DAB1: variants seen among roughly 807,000 people sequenced by gnomAD.
The protein encoded by DAB1 is disabled homolog 1.
A neutral mutation model predicts 64.6 loss-of-function variants in DAB1; 15 were observed. The ratio of observed to expected loss-of-function variants is 0.23; its 90% CI spans 0.16 to 0.36. DAB1 has a LOEUF of 0.36. Ranked by LOEUF, DAB1 falls within the 10% of genes least tolerant of loss-of-function variation. The pLI is 1.00. For missense variants in DAB1, 596 were observed against 706.7 expected (o/e 0.84, Z 1.78); for synonymous variants, 235 against 251.9 (o/e 0.93, Z 0.64).
intron 7 of DAB1, among the ~76,000 whole-genome samples, chr1:57,602,997 A>G (rs1302393135): frequency 6.6e-6 from 1 of 152,182 alleles, no homozygotes; most frequent in Admixed American, 6.5e-5. Context: ...AGAGAGGGTG[A>G]ACATCTTCTG....
chr1:57,220,286 C>T (rs747443425), intron 2 of DAB1, among the ~76,000 whole-genome samples: 2 of 152,138 alleles, frequency 1.3e-5, no homozygotes, highest in Admixed American at 1.3e-4. Flanking sequence ...GTGGAACATA[C>T]CCATAGAGAG....
intron 7 of DAB1, among the ~76,000 whole-genome samples, chr1:57,440,059 C>T (rs1685882304): frequency 2.0e-5 from 3 of 152,144 alleles, no homozygotes; most frequent in Admixed American, 2.0e-4. Context: ...GCCTCCATTA[C>T]TTTGCTCATA....
chr1:57,616,313 C>T (rs552944877), intron 7 of DAB1, among the ~76,000 whole-genome samples: 11 of 152,254 alleles, frequency 7.2e-5, no homozygotes, highest in African/African-American at 9.6e-5. Context: ...CTTTCCTTGA[C>T]GTATGAAATT....
At chr1:58,541,614 C>CAAAAAAAAAAAAA (rs60360589) in intron 1 of DAB1, 17 of 65,628 alleles carry the variant, frequency 2.6e-4, no homozygotes, top group Middle Eastern at 0.011. Context: ...GAGAACCTGT[C>CAAAAAAAAAAAAA]AAAAAAAAAA....
chr1:58,492,198 G>C (rs916856285), intron 3 of DAB1, among the ~76,000 whole-genome samples: 4 of 152,096 alleles, frequency 2.6e-5, no homozygotes, highest in African/African-American at 7.2e-5. Flanking sequence ...CAGAAATAAA[G>C]ATGTTCTTTG....
intron 3 of DAB1, among the ~76,000 whole-genome samples, chr1:58,353,041 C>T (rs1170590894): frequency 6.6e-6 from 1 of 152,106 alleles, no homozygotes; most frequent in Non-Finnish European, 1.5e-5. Context: ...CAGACACCTA[C>T]ATAAATGCCA....
chr1:57,955,139 C>G (rs987959715), intron 5 of DAB1, among the ~76,000 whole-genome samples: 1 of 152,128 alleles, frequency 6.6e-6, no homozygotes, highest in African/African-American at 2.4e-5. Flanking sequence ...TTGAAATATA[C>G]AGTCTGTTCT....
chr1:57,351,353 G>A (rs371288423), intron 1 of DAB1, among the ~76,000 whole-genome samples: 4 of 152,220 alleles, frequency 2.6e-5, no homozygotes, highest in African/African-American at 9.6e-5. Flanking sequence ...GAAGTCATTT[G>A]GGGGTATGAA....
Position 57,955,607 on chromosome 1 carries a change from CT to C in DAB1, n.388-71446del, listed in dbSNP as rs150880488. Among the ~76,000 whole-genome samples, 443 of 152,168 alleles carry C rather than the reference CT, an allele frequency of 2.9e-3. 1 individual carries two copies. The highest frequency in any genetic ancestry group is 0.01 in the African/African-American group (431 of 41,534). On this transcript the variant is annotated intron_variant and non_coding_transcript_variant, in intron 5 of 20. Transcript: ENST00000485760. Reference sequence around the variant, plus strand: ...GTAGAAGTTGGAATAATACGATATGCTTTTTACAAATAAGACAAAAGACTGA... The same window carrying C: ...GTAGAAGTTGGAATAATACGATATGCTTTTACAAATAAGACAAAAGACTGA...
chr1:57,255,475 A>T (rs565733684), intron 2 of DAB1, among the ~76,000 whole-genome samples: 1 of 152,106 alleles, frequency 6.6e-6, no homozygotes, highest in Non-Finnish European at 1.5e-5. Context: ...CAGCCTGGGC[A>T]TCATGGCAAA....
At chr1:57,229,661 G>A (rs1273594216) in intron 2 of DAB1, among the ~76,000 whole-genome samples, 1 of 152,146 alleles carries the variant, frequency 6.6e-6, no homozygotes, top group Non-Finnish European at 1.5e-5. Context: ...TAAAACATCA[G>A]AATGATTTTA....
At chr1:57,318,087 C>T (rs981780303) in intron 1 of DAB1, among the ~76,000 whole-genome samples, 2 of 135,952 alleles carry the variant, frequency 1.5e-5, no homozygotes, top group South Asian at 4.7e-4. Context: ...GAGCCATCTA[C>T]AAATCGCACA....
At chr1:57,526,910 C>CT (rs1644599795) in intron 7 of DAB1, among the ~76,000 whole-genome samples, 1 of 152,028 alleles carries the variant, frequency 6.6e-6, no homozygotes, top group South Asian at 2.1e-4. Context: ...ATTATAATGA[C>CT]TATATTATGA....
At chr1:57,721,325 T>C (rs957864252) in intron 6 of DAB1, among the ~76,000 whole-genome samples, 18 of 152,104 alleles carry the variant, frequency 1.2e-4, no homozygotes, top group Non-Finnish European at 2.4e-4. Flanking sequence ...AAGCAAACTA[T>C]AAAAAAAGAA....
intron 4 of DAB1, among the ~76,000 whole-genome samples, chr1:57,102,634 G>A (rs1654784811): frequency 6.6e-6 from 1 of 152,110 alleles, no homozygotes; most frequent in African/African-American, 2.4e-5. Context: ...TCATCGAGAA[G>A]GCTTTTATCT....
intron 4 of DAB1, among the ~76,000 whole-genome samples, chr1:58,158,530 G>A (rs1299280385): frequency 1.3e-5 from 2 of 152,014 alleles, no homozygotes; most frequent in African/African-American, 4.8e-5. Context: ...CCAGACAAGG[G>A]GTCATCCATC....
At chr1:57,109,129 G>A (rs1655426151) in intron 4 of DAB1, among the ~76,000 whole-genome samples, 1 of 152,118 alleles carries the variant, frequency 6.6e-6, no homozygotes, top group Non-Finnish European at 1.5e-5. Context: ...TTTGTCTTCT[G>A]CTCTGGCTTT....
chr1:57,091,870 TTTC>T (rs1023333821), intron 4 of DAB1, among the ~76,000 whole-genome samples: 6 of 152,220 alleles, frequency 3.9e-5, no homozygotes, highest in Non-Finnish European at 7.3e-5. Flanking sequence ...TTGGTTTTTG[TTTC>T]TTTTTGAATA....
intron 7 of DAB1, among the ~76,000 whole-genome samples, chr1:57,439,418 G>GTTTTTTTTTTTTTTTGTTTT: frequency 8.6e-6 from 1 of 116,140 alleles, no homozygotes; most frequent in African/African-American, 3.5e-5. Flanking sequence ...TGGTGATGAG[G>GTTTTTTTTTTTTTTTGTTTT]TTTTTTCTTT....
Sources: gnomAD v4.1 joint callset for allele counts (sites outside exome capture counted in the v4.1 genomes callset) on GRCh38, gnomAD v4.1.1 for gene constraint, MANE v1.5 for transcripts, NCBI Gene and HGNC (gene_info 2026-07-23, HGNC 2026-07-21) for gene names.